DBH: variants seen among roughly 807,000 people sequenced by gnomAD.
DBH encodes dopamine beta-hydroxylase.
In DBH, 49 loss-of-function variants were observed where a neutral mutation model predicts 64.0. The observed-to-expected ratio is 0.77, with a 90% CI of 0.61 to 0.97. DBH has a LOEUF of 0.97. DBH is among the 50% of genes least tolerant of loss of function. The probability of loss-of-function intolerance (pLI) is 0.00; values close to 1 mark genes in which losing one functional copy is unlikely to be tolerated. For synonymous variants in DBH, 343 were observed against 347.1 expected, an observed-to-expected ratio of 0.99 and a Z score of 0.13; for missense variants, 828 against 826.6, an observed-to-expected ratio of 1.00 and a Z score of -0.02.
intron 9 of DBH, among the ~76,000 whole-genome samples, chr9:133,653,840 C>T (rs977474935): frequency 6.6e-6 from 1 of 152,248 alleles, no homozygotes; most frequent in Admixed American, 6.5e-5. Flanking sequence ...TCACAATTAC[C>T]TGGGTCCCAG....
Position 133,641,976 on chromosome 9 carries a change from T to G in DBH, c.487-231T>G, listed in dbSNP as rs3025394. 5.0e-4 allele frequency among the ~76,000 whole-genome samples: 76 copies of G among 152,290 alleles called. No homozygotes were observed. The East Asian group carries it at 8.9e-3, about 18-fold the overall frequency. The stretch of plus-strand genomic sequence containing the variant: ...TAAGTGAATGTAGGTGGAATGTGTT[T>G]AGAAGAGAAAAGTATTTGATGGCCG... On this transcript the variant is annotated intron_variant, in intron 2 of 11. Transcript: ENST00000393056.
chr9:133,646,936 C>T (rs1397271904), intron 5 of DBH, among the ~76,000 whole-genome samples: 2 of 152,184 alleles, frequency 1.3e-5, no homozygotes, highest in Non-Finnish European at 2.9e-5. Flanking sequence ...GTGGCCACAC[C>T]ATAATCAGGA....
At chr9:133,638,216 T>A (rs1832075220) in intron 1 of DBH, among the ~76,000 whole-genome samples, 1 of 152,234 alleles carries the variant, frequency 6.6e-6, no homozygotes, top group Non-Finnish European at 1.5e-5. Context: ...TATGTTCAAC[T>A]AATATCTTCT....
At position 133,658,617 on chromosome 9, in the gene DBH, G is replaced by C. The variant is rs923801049; in HGVS notation, c.*170G>C. 2.6e-6 allele frequency: 2 copies of C among 773,380 alleles called. No homozygotes were observed. The highest frequency in any genetic ancestry group is 1.8e-5 in the African/African-American group (1 of 56,904). 47.9% of individuals were successfully genotyped at this position (773,380 alleles called of 1,614,324 possible). A position where few individuals can be genotyped will look rare whatever the true frequency, so the allele number is the denominator to read the frequency against. Reference sequence around the variant, plus strand: ...GTCCAATCCAGCCTTCTTCCCCCAGGGTCCCCTGCATGGCTGAGAGGGTGT... The same window carrying C: ...GTCCAATCCAGCCTTCTTCCCCCAGCGTCCCCTGCATGGCTGAGAGGGTGT... On this transcript the variant is annotated 3_prime_UTR_variant, in exon 12 of 12. Coordinates refer to ENST00000393056, the MANE Select transcript of DBH (RefSeq NM_000787.4).
chr9:133,658,371 C>T lies in DBH; in HGVS notation c.1778C>T (p.Thr593Ile), dbSNP rs551844036. Reference sequence around the variant, plus strand: ...GTCATCTCCACACTGGAAGAGCCCACCCCACAGTGCCCCACCAGCCAGGGC... The same window carrying T: ...GTCATCTCCACACTGGAAGAGCCCATCCCACAGTGCCCCACCAGCCAGGGC... ...PKVISTLEEPTPQCPTSQGRS... is the reference protein window; with the variant it reads ...PKVISTLEEPIPQCPTSQGRS... Residue 593 changes from threonine (T) to isoleucine (I), a missense_variant, in exon 12 of 12, where the codon ACC (threonine) becomes ATC (isoleucine). By Grantham distance (89) the Thr-to-Ile change is moderately conservative. Coordinates refer to ENST00000393056, the MANE Select transcript of DBH (RefSeq NM_000787.4). The T allele has an allele frequency of 6.2e-7, 1 of 1,613,904 alleles. No individual in the cohort carries two copies. The highest frequency in any genetic ancestry group is 1.1e-5 in the South Asian group (1 of 91,064).
In DBH at chr9:133,644,223, T is replaced by G; in HGVS notation, c.927T>G (p.Phe309Leu). 1 of 1,613,934 alleles carries G rather than the reference T, an allele frequency of 6.2e-7. No homozygotes were observed. Among genetic ancestry groups the G allele is most frequent in the Non-Finnish European group, 8.5e-7 (1 of 1,179,800 alleles). Residue 309 changes from phenylalanine (F) to leucine (L), a missense_variant, in exon 5 of 12, where the codon TTT (phenylalanine) becomes TTG (leucine). Transcript: ENST00000393056. ...LAAWALGAKAFYYPEEAGLAF... is the reference protein window; with the variant it reads ...LAAWALGAKALYYPEEAGLAF... ...TGACACCTTGCCCCACACAGGCATT[T>G]TACTACCCAGAGGAAGCCGGCCTTG... is the stretch of plus-strand genomic sequence containing the variant.
chr9:133,652,667 T>C (rs1357841215), intron 8 of DBH, among the ~76,000 whole-genome samples: 2 of 152,036 alleles, frequency 1.3e-5, no homozygotes, highest in African/African-American at 4.8e-5. Context: ...CTTTGAGATG[T>C]GTCATGGCCC....
chr9:133,637,018 T>C (rs1258069578), intron 1 of DBH, among the ~76,000 whole-genome samples: 1 of 152,052 alleles, frequency 6.6e-6, no homozygotes, highest in Non-Finnish European at 1.5e-5. Flanking sequence ...CTCGTGCCGC[T>C]CCACACCCCA....
chr9:133,650,922 C>T (rs1242742131), intron 6 of DBH, among the ~76,000 whole-genome samples: 1 of 152,256 alleles, frequency 6.6e-6, no homozygotes, highest in Non-Finnish European at 1.5e-5. Flanking sequence ...AAGATTCTCT[C>T]ATGCCCCAGT....
chr9:133,651,724 G>A lies in DBH; in HGVS notation c.1282G>A (p.Gly428Ser), dbSNP rs147521865. Residue 428 changes from glycine (G) to serine (S), a missense_variant, in exon 7 of 12, where the codon GGC (glycine) becomes AGC (serine). Physicochemically the swap from Gly to Ser is moderately conservative, Grantham distance 56. Transcript: ENST00000393056. ...RKVVTVLVRD[G>S]REWEIVNQDN... is the part of the protein sequence containing the mutation. The stretch of plus-strand genomic sequence containing the variant: ...GGTGGTCACAGTGCTGGTCCGGGAC[G>A]GCCGGGAGTGGGAGATCGTGAACCA... The A allele has an allele frequency of 4.5e-5, 73 of 1,613,860 alleles. No homozygotes were observed. The highest frequency in any genetic ancestry group is 3.1e-4 in the African/African-American group (23 of 75,038).
chr9:133,657,313 C>T (rs942951723), intron 11 of DBH, 84 bp downstream of exon 11: 8 of 1,545,830 alleles, frequency 5.2e-6, no homozygotes, highest in African/African-American at 4.1e-5. Context: ...GTCTGCACTC[C>T]AAACTGCTGG....
chr9:133,650,790 C>T (rs1316406003), intron 6 of DBH, among the ~76,000 whole-genome samples: 3 of 152,136 alleles, frequency 2.0e-5, no homozygotes, highest in Middle Eastern at 3.2e-3. Context: ...TCAAATGATC[C>T]ATGTGCCTCA....
chr9:133,641,005 G>T (rs1402966365), intron 2 of DBH, among the ~76,000 whole-genome samples: 1 of 152,180 alleles, frequency 6.6e-6, no homozygotes, highest in East Asian at 1.9e-4. Context: ...AGGCAATATT[G>T]GCCTGGTGTG....
chr9:133,640,079 T>C (rs566212333), intron 2 of DBH, 87 bp downstream of exon 2: 84 of 1,548,310 alleles, frequency 5.4e-5, no homozygotes, highest in Middle Eastern at 5.0e-4. Context: ...ACCTTTCCTG[T>C]CCCTGATAAG....
At chr9:133,640,089 G>A in intron 2 of DBH, 97 bp downstream of exon 2, 1 of 1,506,780 alleles carries the variant, frequency 6.6e-7, no homozygotes, top group Non-Finnish European at 9.1e-7. Context: ...TCCCTGATAA[G>A]TCTGGGGCCT....
At chr9:133,647,488 C>T (rs1292211288) in intron 5 of DBH, among the ~76,000 whole-genome samples, 4 of 152,306 alleles carry the variant, frequency 2.6e-5, no homozygotes, top group South Asian at 2.1e-4. Context: ...AAGTTGTTTA[C>T]GAGTTTCCGT....
rs35806215 is a variant in DBH at position 133,646,000 on chromosome 9, G to A, written c.1024+1680G>A. Among the ~76,000 whole-genome samples the A allele has an allele frequency of 3.4e-3, 517 of 152,246 alleles. 6 individuals are homozygous for A. The highest frequency in any genetic ancestry group is 3.0e-3 in the Non-Finnish European group (206 of 68,012). The stretch of plus-strand genomic sequence containing the variant: ...TCAGAAAGGGCAATGCATGTACACT[G>A]GTGAGAAGATGGACAGCAGAAAAGC... On this transcript the variant is annotated intron_variant, in intron 5 of 11. Coordinates refer to ENST00000393056, the MANE Select transcript of DBH (RefSeq NM_000787.4).
At chr9:133,648,698 G>A (rs1205578136) in intron 6 of DBH, among the ~76,000 whole-genome samples, 4 of 152,244 alleles carry the variant, frequency 2.6e-5, no homozygotes, top group African/African-American at 2.4e-5. Flanking sequence ...ACAGGTTGGC[G>A]CTTAGACTGG....
intron 1 of DBH, among the ~76,000 whole-genome samples, chr9:133,638,951 C>T (rs2519157): frequency 0.56 from 85,007 of 151,408 alleles, 23,965 homozygotes; most frequent in East Asian, 0.68. Flanking sequence ...CGGCCGGAGA[C>T]GGGGAGGGCA....
Sources: allele counts gnomAD v4.1 joint callset (sites outside exome capture counted in the v4.1 genomes callset), GRCh38; gene constraint gnomAD v4.1.1; transcripts MANE v1.5; gene names NCBI Gene and HGNC (gene_info 2026-07-23, HGNC 2026-07-21).